Variants in UNC93A observed in about 807,000 individuals in gnomAD.
UNC93A encodes unc-93 homolog A.
Under a neutral mutation model 47.5 loss-of-function variants are expected in UNC93A, and 43 were observed. That is an observed-to-expected ratio of 0.91 (90% CI 0.71 to 1.17). UNC93A has a LOEUF of 1.17. Among genes scored for constraint, UNC93A ranks in the 50% most tolerant of loss-of-function variants. The pLI, the probability that UNC93A is intolerant of heterozygous loss-of-function variation, is 0.00. For synonymous variants in UNC93A, 280 were observed against 258.0 expected (o/e 1.09, Z -0.82); for missense variants, 605 against 577.6 (o/e 1.05, Z -0.49).
At chr6:167,277,098 C>T (rs555061327) in intron 1 of UNC93A, among the ~76,000 whole-genome samples, 46 of 152,344 alleles carry the variant, frequency 3.0e-4, no homozygotes, top group African/African-American at 1.1e-3. Context: ...GGGCACGTTA[C>T]GGCCAGTCAG....
chr6:167,308,043 A>G (rs1345019086), intron 7 of UNC93A, 133 bp downstream of exon 7: 2 of 1,282,940 alleles, frequency 1.6e-6, no homozygotes, highest in African/African-American at 3.0e-5. Context: ...GAGGGCCAAG[A>G]GGGCTTTGAT....
chr6:167,296,214 G>A lies in UNC93A; in HGVS notation c.452G>A (p.Trp151Ter), dbSNP rs2235197. Residue 151 changes from tryptophan to a stop codon, truncating the protein, a stop_gained, in exon 3 of 8, where the codon TGG becomes TAG. Transcript: ENST00000230256. LOFTEE classifies it high-confidence loss of function. ...FFLIFQSSGV[W>*]GNLISSLVFG... Reference sequence around the variant, plus strand: ...CTCATATTCCAGTCATCCGGTGTGTGGGGCAACTTGATCTCATCGCTGGTA... The same window carrying A: ...CTCATATTCCAGTCATCCGGTGTGTAGGGCAACTTGATCTCATCGCTGGTA... 155,177 of 1,614,160 alleles carry A rather than the reference G, an allele frequency of 0.096. 8,304 individuals carry two copies. The highest frequency in any genetic ancestry group is 0.16 in the South Asian group (14,903 of 91,076).
chr6:167,301,278 A>G (rs974096880), intron 4 of UNC93A, among the ~76,000 whole-genome samples: 2 of 152,234 alleles, frequency 1.3e-5, no homozygotes, highest in African/African-American at 4.8e-5. Flanking sequence ...GGAATCCCGC[A>G]GCCTAAGGGA....
At chr6:167,277,741 GTC>G (rs903476249) in intron 1 of UNC93A, among the ~76,000 whole-genome samples, 1 of 150,208 alleles carries the variant, frequency 6.7e-6, no homozygotes, top group South Asian at 2.1e-4. Flanking sequence ...AACTCTTTCT[GTC>G]TCTCTGGCTA....
rs533892557 is a variant in UNC93A, at chr6:167,308,842, G to A, written c.1108+932G>A. On this transcript the variant is annotated intron_variant, in intron 7 of 7. Coordinates refer to ENST00000230256, the MANE Select transcript of UNC93A (RefSeq NM_018974.4). ...AGGCAGGTGACAAGGTCCAAGGTGC[G>A]GCCCTGTGGGGAGCCGGGAGGGCTG... Among the ~76,000 whole-genome samples the A allele has an allele frequency of 1.7e-3, 259 of 152,192 alleles. 3 individuals are homozygous for A. The highest frequency in any genetic ancestry group is 6.1e-3 in the African/African-American group (253 of 41,498).
At chr6:167,312,933 C>T (rs1223720118) in intron 7 of UNC93A, among the ~76,000 whole-genome samples, 1 of 152,204 alleles carries the variant, frequency 6.6e-6, no homozygotes, top group Non-Finnish European at 1.5e-5. Context: ...CTGATGTCAT[C>T]CACACGTGTG....
upstream of UNC93A, among the ~76,000 whole-genome samples, chr6:167,286,438 T>C (rs1370939652): frequency 6.6e-6 from 1 of 152,234 alleles, no homozygotes; most frequent in African/African-American, 2.4e-5. Context: ...CAGTCTCACC[T>C]GCTGACACTC....
chr6:167,281,961 T>A (rs1783641816), intron 1 of UNC93A, among the ~76,000 whole-genome samples: 1 of 152,216 alleles, frequency 6.6e-6, no homozygotes, highest in African/African-American at 2.4e-5. Context: ...CGACCTCTAC[T>A]TATTTCCTGG....
At chr6:167,311,988 C>A (rs1476434170) in intron 7 of UNC93A, among the ~76,000 whole-genome samples, 13 of 150,894 alleles carry the variant, frequency 8.6e-5, no homozygotes, top group Admixed American at 7.2e-4. Flanking sequence ...CACGAGGGTT[C>A]TTTTTTCTGT....
At chr6:167,273,890 G>A (rs1383198620) in intron 1 of UNC93A, among the ~76,000 whole-genome samples, 3 of 151,972 alleles carry the variant, frequency 2.0e-5, no homozygotes, top group Non-Finnish European at 4.4e-5. Flanking sequence ...TCCTTACTAT[G>A]CTGATGCAGC....
intron 4 of UNC93A, among the ~76,000 whole-genome samples, chr6:167,303,509 G>T (rs1304958743): frequency 6.6e-6 from 1 of 151,860 alleles, no homozygotes; most frequent in Non-Finnish European, 1.5e-5. Context: ...GTAGCAAATG[G>T]TACCTTGTGG....
chr6:167,307,676 G>A (rs1778438359), intron 6 of UNC93A, 103 bp from the exon 7 acceptor site: 2 of 1,441,390 alleles, frequency 1.4e-6, no homozygotes, highest in Non-Finnish European at 1.9e-6. Flanking sequence ...GACAGTTCCA[G>A]AGGACGGTTG....
At chr6:167,280,171 C>G (rs1206301282) in intron 1 of UNC93A, among the ~76,000 whole-genome samples, 1 of 152,110 alleles carries the variant, frequency 6.6e-6, no homozygotes, top group Non-Finnish European at 1.5e-5. Flanking sequence ...ATTTGATACT[C>G]AAAAGCCGAG....
chr6:167,307,642 G>A, intron 6 of UNC93A, 137 bp from the exon 7 acceptor site: 1 of 1,064,408 alleles, frequency 9.4e-7, no homozygotes, highest in Non-Finnish European at 1.3e-6. Flanking sequence ...TGAGATGGTT[G>A]AGATGGTTGA....
At chr6:167,295,735 C>A (rs566949470) in intron 2 of UNC93A, among the ~76,000 whole-genome samples, 9 of 145,148 alleles carry the variant, frequency 6.2e-5, no homozygotes, top group African/African-American at 1.9e-4. Flanking sequence ...CTTCCTCGTG[C>A]TCCTCGCCTC....
In UNC93A at chr6:167,296,170, G is replaced by A; in HGVS notation, c.408G>A (p.Gln136=). 6.2e-7 allele frequency: 1 copy of A among 1,614,232 alleles called. No individual in the cohort carries two copies. The highest frequency in any genetic ancestry group is 8.5e-7 in the Non-Finnish European group (1 of 1,180,046). The change falls in exon 3 of 8, where the codon CAG becomes CAA. Residue 136 remains glutamine, a synonymous_variant. Transcript: ENST00000230256. ...AGCGTGGCAAAGACATGGTGAACCA[G>A]TATTTTGGCATCTTCTTCCTCATAT... The part of the protein sequence containing the change: ...AGKRGKDMVN[Q]YFGIFFLIFQ...
At chr6:167,297,443 A>G (rs1778117934) in intron 3 of UNC93A, among the ~76,000 whole-genome samples, 1 of 152,178 alleles carries the variant, frequency 6.6e-6, no homozygotes, top group Non-Finnish European at 1.5e-5. Flanking sequence ...TCTGACTGAG[A>G]GTCATTGCTA....
At chr6:167,301,156 C>T (rs1322782774) in intron 4 of UNC93A, among the ~76,000 whole-genome samples, 1 of 152,256 alleles carries the variant, frequency 6.6e-6, no homozygotes, top group Non-Finnish European at 1.5e-5. Context: ...TTCTCTGTGG[C>T]TTCCAGGCCC....
chr6:167,304,154 C>G (rs372103658), intron 5 of UNC93A, 21 bp downstream of exon 5: 100 of 1,613,190 alleles, frequency 6.2e-5, no homozygotes, highest in Non-Finnish European at 7.7e-5. Context: ...AAGTGAGGGC[C>G]GGTGGCTCAG....
Sources: allele counts gnomAD v4.1 joint callset (sites outside exome capture counted in the v4.1 genomes callset), GRCh38; gene constraint gnomAD v4.1.1; transcripts MANE v1.5; gene names NCBI Gene and HGNC (gene_info 2026-07-23, HGNC 2026-07-21).